MEP1A: variants seen among roughly 807,000 people sequenced by gnomAD.
MEP1A encodes meprin A subunit alpha.
MEP1A carries 68 observed loss-of-function variants against 84.5 expected under a neutral mutation model. The observed-to-expected ratio is 0.80, with a 90% confidence interval of 0.66 to 0.98. MEP1A has a LOEUF of 0.98. Ranked by LOEUF, MEP1A falls within the 50% of genes least tolerant of loss-of-function variation. The probability of loss-of-function intolerance (pLI) is 0.00; values close to 1 mark genes in which losing one functional copy is unlikely to be tolerated. For missense variants in MEP1A, 887 were observed against 919.9 expected (o/e 0.96, Z 0.46); for synonymous variants, 337 against 336.8 (o/e 1.00, Z -0.01).
At chr6:46,826,794 A>G (rs1021302563) in intron 9 of MEP1A, among the ~76,000 whole-genome samples, 1 of 152,240 alleles carries the variant, frequency 6.6e-6, no homozygotes, top group African/African-American at 2.4e-5. Flanking sequence ...CTACAGAAAT[A>G]TAATGTGAGT....
At chr6:46,836,878 A>G (rs1768228387) in intron 13 of MEP1A, among the ~76,000 whole-genome samples, 1 of 150,618 alleles carries the variant, frequency 6.6e-6, no homozygotes, top group South Asian at 2.1e-4. Context: ...AAGATGTGCT[A>G]TGCCTTCTCG....
intron 6 of MEP1A, 117 bp from the exon 7 acceptor site, chr6:46,819,412 G>A: frequency 1.3e-6 from 1 of 778,564 alleles, no homozygotes; most frequent in Non-Finnish European, 2.0e-6. Context: ...GAATGCTGTT[G>A]GTAATTTCTT....
chr6:46,819,438 A>G lies in MEP1A; in HGVS notation c.381-91A>G, dbSNP rs2297017. 80 of 1,042,124 alleles carry G rather than the reference A, an allele frequency of 7.7e-5. No homozygotes were observed. The East Asian group carries it at 2.0e-3, about 26-fold the overall frequency. 64.6% of individuals were successfully genotyped at this position (1,042,124 alleles called of 1,614,324 possible). ...GTAATTTCTTTCTAAAATCAAGCCT[A>G]ATTTCCTCCTAATTTGTGTTTTGGA... On this transcript the variant is annotated intron_variant, in intron 6 of 13. Coordinates refer to ENST00000230588, the MANE Select transcript of MEP1A (RefSeq NM_005588.3).
intron 13 of MEP1A, among the ~76,000 whole-genome samples, chr6:46,837,430 G>A (rs1182075761): frequency 6.6e-6 from 1 of 152,138 alleles, no homozygotes; most frequent in Non-Finnish European, 1.5e-5. Flanking sequence ...ACATGCTCTA[G>A]GCTCATCTTT....
intron 9 of MEP1A, 39 bp from the exon 10 acceptor site, chr6:46,829,317 G>C (rs531169517): frequency 6.4e-7 from 1 of 1,569,460 alleles, no homozygotes; most frequent in South Asian, 1.1e-5. Context: ...CTGGGGTGTG[G>C]GAAGCCAGAC....
chr6:46,842,407 G>GA (rs752676282), downstream of MEP1A, among the ~76,000 whole-genome samples: 102 of 152,252 alleles, frequency 6.7e-4, no homozygotes, highest in Non-Finnish European at 1.1e-3. Flanking sequence ...TACCTTGGGG[G>GA]AAGGAATGCA....
Position 46,829,356 on chromosome 6 carries a change from G to A in MEP1A, c.929G>A (p.Gly310Asp). The change falls in exon 10 of 14, where the codon GGT becomes GAT. Residue 310 changes from glycine to aspartate, a missense_variant and splice_region_variant. Gly to Asp is a moderately conservative substitution (Grantham distance 94). Coordinates refer to ENST00000230588, the MANE Select transcript of MEP1A (RefSeq NM_005588.3). ...VDHTLLGQCT[G>D]AGYFMQFSTS... ...TGATGTTTGGCTGCTCTTTCCATAG[G>A]TGCCGGCTACTTCATGCAGTTCAGC... The A allele has an allele frequency of 6.2e-7, 1 of 1,612,868 alleles. No homozygotes were observed. The highest frequency in any genetic ancestry group is 8.5e-7 in the Non-Finnish European group (1 of 1,179,916).
chr6:46,817,902 C>G (rs1394177123), intron 6 of MEP1A, among the ~76,000 whole-genome samples: 1 of 152,162 alleles, frequency 6.6e-6, no homozygotes, highest in African/African-American at 2.4e-5. Flanking sequence ...GGGACTGGCC[C>G]AAAGTGCCCC....
chr6:46,820,884 C>T (rs1428920052), intron 7 of MEP1A, among the ~76,000 whole-genome samples: 1 of 152,054 alleles, frequency 6.6e-6, no homozygotes. Context: ...ATTAATGAAA[C>T]TTTAATATAT....
intron 9 of MEP1A, among the ~76,000 whole-genome samples, chr6:46,826,926 A>C (rs1562115019): frequency 6.6e-6 from 1 of 152,238 alleles, no homozygotes; most frequent in Non-Finnish European, 1.5e-5. Context: ...ATTAATTGTA[A>C]TAATGTATTT....
At chr6:46,818,302 C>T (rs1767687150) in intron 6 of MEP1A, among the ~76,000 whole-genome samples, 1 of 152,050 alleles carries the variant, frequency 6.6e-6, no homozygotes, top group Admixed American at 6.5e-5. Context: ...AAAATCAAAT[C>T]TGTTAGCCTT....
chr6:46,834,000 G>A (rs904259480), intron 11 of MEP1A, among the ~76,000 whole-genome samples: 5 of 146,608 alleles, frequency 3.4e-5, no homozygotes, highest in Non-Finnish European at 6.0e-5. Flanking sequence ...TTTTTGAGAT[G>A]GAGTCTCCCT....
chr6:46,833,981 T>A (rs1247896701), intron 11 of MEP1A, among the ~76,000 whole-genome samples: 1 of 149,804 alleles, frequency 6.7e-6, no homozygotes, highest in Non-Finnish European at 1.5e-5. Context: ...GCAAACTATT[T>A]TTTTTTTTTT....
intron 10 of MEP1A, among the ~76,000 whole-genome samples, chr6:46,831,157 T>C (rs1768066048): frequency 6.6e-6 from 1 of 152,208 alleles, no homozygotes; most frequent in Admixed American, 6.5e-5. Context: ...TACTGGTTTG[T>C]CAATGAAACT....
chr6:46,824,583 T>A (rs1767859514), intron 7 of MEP1A, among the ~76,000 whole-genome samples: 1 of 139,198 alleles, frequency 7.2e-6, no homozygotes, highest in African/African-American at 2.6e-5. Context: ...TTTAAATATA[T>A]AAATTATATA....
In MEP1A at chr6:46,829,507, C is replaced by T. The variant is rs1768029073; in HGVS notation, c.1080C>T (p.Val360=). The part of the protein sequence containing the change: ...MTGSPSDRLV[V]WVRRDDSTGN... ...GAAGTCCTTCAGACAGACTCGTTGTCTGGGTCAGGAGGGATGACAGCACAG... is the reference window on the plus strand; with the variant it reads ...GAAGTCCTTCAGACAGACTCGTTGTTTGGGTCAGGAGGGATGACAGCACAG... The change falls in exon 10 of 14, where the codon GTC becomes GTT. Residue 360 remains valine (V), a synonymous_variant. Transcript: ENST00000230588. The T allele has an allele frequency of 6.2e-7, 1 of 1,614,046 alleles. No individual in the cohort carries two copies. The highest frequency in any genetic ancestry group is 8.5e-7 in the Non-Finnish European group (1 of 1,180,028).
chr6:46,819,435 C>A, intron 6 of MEP1A, 94 bp from the exon 7 acceptor site: 1 of 997,400 alleles, frequency 1.0e-6, no homozygotes, highest in Non-Finnish European at 1.5e-6. Flanking sequence ...TAAAATCAAG[C>A]CTAATTTCCT....
intron 9 of MEP1A, among the ~76,000 whole-genome samples, chr6:46,828,671 T>G (rs1768001980): frequency 1.3e-5 from 2 of 152,220 alleles, no homozygotes; most frequent in Non-Finnish European, 2.9e-5. Flanking sequence ...GCTGCTTGAC[T>G]GTTTTTAGGG....
intron 9 of MEP1A, among the ~76,000 whole-genome samples, chr6:46,827,810 C>T (rs1767982052): frequency 6.6e-6 from 1 of 152,152 alleles, no homozygotes; most frequent in Admixed American, 6.6e-5. Context: ...TGCTGTTAGG[C>T]TAATGTACAA....
Sources: allele counts gnomAD v4.1 joint callset (sites outside exome capture counted in the v4.1 genomes callset), GRCh38; gene constraint gnomAD v4.1.1; transcripts MANE v1.5; gene names NCBI Gene and HGNC (gene_info 2026-07-23, HGNC 2026-07-21).